The following WIPI1 variants were observed in gnomAD, a reference collection of about 807,000 sequenced individuals.
The protein encoded by WIPI1 is WD repeat domain, phosphoinositide interacting 1, also known as WD repeat domain phosphoinositide-interacting protein 1.
WIPI1 carries 45 observed loss-of-function variants against 55.3 expected under a neutral mutation model. The observed-to-expected ratio is 0.81, with a 90% CI of 0.64 to 1.04. The LOEUF (loss-of-function observed/expected upper bound fraction) is 1.04. WIPI1 is among the 50% of genes least tolerant of loss of function. The pLI is 0.00. For missense variants in WIPI1, 445 were observed against 559.0 expected (o/e 0.80, Z 2.06); for synonymous variants, 195 against 217.6 (o/e 0.90, Z 0.92).
In WIPI1 at chr17:68,457,427, G is replaced by A. The variant is rs1190726741; in HGVS notation, c.-6C>T. ...TCCGCGGCCTCGGCCTCCATCGGGG[G>A]CTCGGCCCGGGAAGCCGCAGCTCGG... On this transcript the variant is annotated 5_prime_UTR_variant, in exon 1 of 13. Transcript: ENST00000262139. The A allele has an allele frequency of 3.4e-6, 5 of 1,471,068 alleles. No individual in the cohort carries two copies. The East Asian group carries it at 8.8e-5, about 26-fold the overall frequency. The allele number at this position is 1,471,068 out of a possible 1,614,324, so 91.1% of individuals were successfully genotyped here.
intron 1 of WIPI1, among the ~76,000 whole-genome samples, chr17:68,456,041 A>C (rs1184495035): frequency 3.9e-5 from 6 of 152,208 alleles, no homozygotes; most frequent in Non-Finnish European, 8.8e-5. Context: ...AGTGAGTCAC[A>C]AGCAGCTTAG....
At chr17:68,427,778 T>C (rs2083295524) in intron 10 of WIPI1, among the ~76,000 whole-genome samples, 2 of 152,272 alleles carry the variant, frequency 1.3e-5, no homozygotes, top group South Asian at 2.1e-4. Context: ...GGTGAGGACA[T>C]GCTAGCAAGG....
chr17:68,432,601 G>C (rs1185591808), intron 8 of WIPI1, among the ~76,000 whole-genome samples: 1 of 152,144 alleles, frequency 6.6e-6, no homozygotes, highest in East Asian at 1.9e-4. Context: ...GTATCAGCGT[G>C]ATAAGGTGCC....
intron 4 of WIPI1, among the ~76,000 whole-genome samples, chr17:68,436,990 T>C (rs1292870328): frequency 2.9e-5 from 2 of 69,856 alleles, no homozygotes; most frequent in African/African-American, 1.6e-4. Context: ...TGAGACCCCG[T>C]CTCAAAAAAA....
intron 6 of WIPI1, 78 bp downstream of exon 6, chr17:68,435,542 T>C: frequency 7.2e-7 from 1 of 1,385,748 alleles, no homozygotes; most frequent in Non-Finnish European, 1.0e-6. Context: ...GTCACCAGGT[T>C]TGTTCAATCC....
At chr17:68,424,817 C>T (rs2083050956) in intron 12 of WIPI1, among the ~76,000 whole-genome samples, 1 of 152,002 alleles carries the variant, frequency 6.6e-6, no homozygotes, top group South Asian at 2.1e-4. Flanking sequence ...GCAGAGGCTG[C>T]AGCGAGCCGA....
rs754701731 is a variant in WIPI1, at chr17:68,426,242, T to TGGGGG, written c.1193-68_1193-67insCCCCC. The TGGGGG allele has an allele frequency of 3.1e-4, 215 of 682,588 alleles. 47 individuals are homozygous for TGGGGG. The highest frequency in any genetic ancestry group is 7.1e-4 in the Admixed American group (18 of 25,192). The allele number at this position is 682,588 out of a possible 1,614,324, so 42.3% of individuals were successfully genotyped here. A position where few individuals can be genotyped will look rare whatever the true frequency, so the allele number is the denominator to read the frequency against. ...TGCTTTTATGCCATGACCTGGCGGG[T>TGGGGG]GGGGAGCGGGGGCTCAAATAAAGGG... On this transcript the variant is annotated intron_variant, in intron 11 of 12. Coordinates refer to ENST00000262139, the MANE Select transcript of WIPI1 (RefSeq NM_017983.7).
At chr17:68,428,228 G>GTTTTTTTT (rs200232572) in intron 10 of WIPI1, 1 of 135,968 alleles carries the variant, frequency 7.4e-6, no homozygotes, top group Non-Finnish European at 1.6e-5. Context: ...CAGGGAATAG[G>GTTTTTTTT]TTTTTTTTTT....
At chr17:68,434,303 C>T (rs981802538) in intron 7 of WIPI1, among the ~76,000 whole-genome samples, 12 of 152,206 alleles carry the variant, frequency 7.9e-5, no homozygotes, top group Non-Finnish European at 1.6e-4. Flanking sequence ...TCTCATTTCT[C>T]CTGTGCCGGC....
chr17:68,444,179 A>C (rs928504353), intron 4 of WIPI1, among the ~76,000 whole-genome samples: 2 of 152,208 alleles, frequency 1.3e-5, no homozygotes, highest in Non-Finnish European at 2.9e-5. Context: ...AGGGGTAAAC[A>C]CTTTTCAACA....
At chr17:68,429,856 C>T (rs3785611) in intron 9 of WIPI1, 140 bp downstream of exon 9, 952,769 of 1,227,660 alleles carry the variant, frequency 0.78, 370,652 homozygotes, top group Admixed American at 0.83. Flanking sequence ...CCCAAGGTTC[C>T]GGGATTACAG....
intron 2 of WIPI1, among the ~76,000 whole-genome samples, chr17:68,452,640 A>G (rs1436385445): frequency 6.6e-6 from 1 of 152,240 alleles, no homozygotes; most frequent in African/African-American, 2.4e-5. Flanking sequence ...TGTGCATATA[A>G]GCATGTGAAA....
intron 11 of WIPI1, among the ~76,000 whole-genome samples, chr17:68,426,842 A>G (rs918112519): frequency 6.6e-6 from 1 of 152,162 alleles, no homozygotes; most frequent in East Asian, 1.9e-4. Context: ...GCCTCATTGG[A>G]ATTTTTGAAG....
At chr17:68,426,251 G>GGGGGGGGGA in intron 11 of WIPI1, 76 bp from the exon 12 acceptor site, 1 of 825,460 alleles carries the variant, frequency 1.2e-6, no homozygotes, top group Non-Finnish European at 1.9e-6. Flanking sequence ...GTGGGGAGCG[G>GGGGGGGGGA]GGGCTCAAAT....
In WIPI1 at chr17:68,423,325, G is replaced by A. The variant is rs2082933624; in HGVS notation, c.1294-1505C>T. On this transcript the variant is annotated intron_variant, in intron 12 of 12. Transcript: ENST00000262139. This position sits in a 1 kb window ranked among gnomAD's most constrained non-coding sequence, Gnocchi z 4.4. ...TGGGCCATATTGATAGAGCATCCCA[G>A]GAGCATGCATGCCTCTGGTCCTTAC... 6.6e-6 allele frequency among the ~76,000 whole-genome samples: 1 copy of A among 152,222 alleles called. No individual in the cohort carries two copies. Among genetic ancestry groups the A allele is most frequent in the Non-Finnish European group, 1.5e-5 (1 of 68,038 alleles).
At chr17:68,440,202 C>T (rs995095917) in intron 4 of WIPI1, among the ~76,000 whole-genome samples, 1 of 152,182 alleles carries the variant, frequency 6.6e-6, no homozygotes, top group East Asian at 1.9e-4. Context: ...GGAATCCTGC[C>T]TTCCTACCCT....
At chr17:68,431,447 G>A (rs528648186) in intron 8 of WIPI1, among the ~76,000 whole-genome samples, 3 of 152,222 alleles carry the variant, frequency 2.0e-5, no homozygotes, top group Admixed American at 6.5e-5. Flanking sequence ...GGTTCTGGGG[G>A]TGGTGGCTGC....
intron 1 of WIPI1, among the ~76,000 whole-genome samples, chr17:68,455,694 A>G (rs55785206): frequency 6.6e-6 from 1 of 152,192 alleles, no homozygotes; most frequent in African/African-American, 2.4e-5. Flanking sequence ...AAGGAAATTA[A>G]CTTTCAAAGC....
At chr17:68,438,707 TC>T (rs1202653333) in intron 4 of WIPI1, among the ~76,000 whole-genome samples, 1 of 152,220 alleles carries the variant, frequency 6.6e-6, no homozygotes, top group African/African-American at 2.4e-5. Flanking sequence ...TTCAAGCGAT[TC>T]TCCTGTCTCA....
Sources: gnomAD v4.1 joint callset for allele counts (sites outside exome capture counted in the v4.1 genomes callset) on GRCh38, gnomAD v4.1.1 for gene constraint, Gnocchi (gnomAD v3.1) non-coding constraint, MANE v1.5 for transcripts, NCBI Gene and HGNC (gene_info 2026-07-23, HGNC 2026-07-21) for gene names.